XPO6: variants seen among roughly 807,000 people sequenced by gnomAD.
XPO6 encodes the protein exportin-6.
Under a neutral mutation model 130.0 loss-of-function variants are expected in XPO6, and 3 were observed. The ratio of observed to expected loss-of-function variants is 0.02; its 90% CI spans 0.01 to 0.06. The LOEUF (loss-of-function observed/expected upper bound fraction) is 0.06. Among genes scored for constraint, XPO6 ranks in the 10% least tolerant of loss-of-function variants. XPO6 has a pLI of 1.00. For missense variants in XPO6, 970 were observed against 1,393.0 expected, an observed-to-expected ratio of 0.70 and a Z score of 4.83; for synonymous variants, 524 against 548.9, an observed-to-expected ratio of 0.95 and a Z score of 0.63.
At chr16:28,127,019 A>C (rs542662868) in intron 12 of XPO6, among the ~76,000 whole-genome samples, 1 of 152,050 alleles carries the variant, frequency 6.6e-6, no homozygotes. Flanking sequence ...GTGCTCCAAA[A>C]TCAGCTTCCC....
chr16:28,124,470 A>G (rs1398825505), intron 13 of XPO6, among the ~76,000 whole-genome samples: 1 of 152,214 alleles, frequency 6.6e-6, no homozygotes, highest in East Asian at 1.9e-4. Context: ...ACCTCAGTGC[A>G]AATGGGCCCA....
At chr16:28,120,065 G>C (rs1424469162) in intron 14 of XPO6, among the ~76,000 whole-genome samples, 5 of 152,114 alleles carry the variant, frequency 3.3e-5, no homozygotes, top group African/African-American at 4.8e-5. Flanking sequence ...GGCTGGACTT[G>C]AACTCCTGAC....
At chr16:28,147,910 C>A (rs569642490) in intron 8 of XPO6, among the ~76,000 whole-genome samples, 1 of 152,176 alleles carries the variant, frequency 6.6e-6, no homozygotes, top group Non-Finnish European at 1.5e-5. Context: ...CGTGCCACTG[C>A]ACTCCAGCCT....
intron 15 of XPO6, among the ~76,000 whole-genome samples, chr16:28,115,131 C>T (rs2087022072): frequency 6.6e-6 from 1 of 152,202 alleles, no homozygotes; most frequent in African/African-American, 2.4e-5. Flanking sequence ...CTTCCAAACT[C>T]CCATTAATGC....
intron 6 of XPO6, 91 bp downstream of exon 6, chr16:28,166,417 C>T: frequency 7.1e-7 from 1 of 1,406,250 alleles, no homozygotes. Flanking sequence ...CCTCAGCCTC[C>T]TCAGTACTGA....
intron 9 of XPO6, among the ~76,000 whole-genome samples, chr16:28,138,659 AACATCTCCCCTG>A (rs1226592844): frequency 3.9e-5 from 6 of 152,142 alleles, no homozygotes; most frequent in Admixed American, 6.5e-5. Context: ...ACTCAAGGAC[AACATCTCCCCTG>A]AAGATGGGGG....
At position 28,211,516 on chromosome 16, in the gene XPO6, C is replaced by T; in HGVS notation, c.-148G>A. On this transcript the variant is annotated 5_prime_UTR_variant, in exon 1 of 24. Transcript: ENST00000304658. ...CCTTCCCCACCGGGCCCCGAGGGGA[C>T]CCTCTAAAAAGGGCAGGGCCGCCCG... The T allele has an allele frequency of 1.0e-6, 1 of 992,828 alleles. No homozygotes were observed. Among genetic ancestry groups the T allele is most frequent in the Non-Finnish European group, 1.3e-6 (1 of 754,888 alleles). The allele number at this position is 992,828 out of a possible 1,614,324, so 61.5% of individuals were successfully genotyped here.
At chr16:28,161,017 T>C (rs937618816) in intron 6 of XPO6, among the ~76,000 whole-genome samples, 5 of 152,230 alleles carry the variant, frequency 3.3e-5, no homozygotes, top group Non-Finnish European at 7.3e-5. Context: ...TTGCAATAGA[T>C]TGTTTTCACT....
At position 28,107,693 on chromosome 16, in the gene XPO6, AG is replaced by A. The variant is rs776982532; in HGVS notation, c.2342-17del. On this transcript the variant is annotated splice_polypyrimidine_tract_variant and intron_variant, in intron 17 of 23. Transcript: ENST00000304658. The stretch of plus-strand genomic sequence containing the variant: ...ATCAGTTTGGCTGCAAATCAAGATG[AG>A]TTGCAGGTTATAAGCTGTCTGGGGA... 12 of 1,613,118 alleles carry A rather than the reference AG, an allele frequency of 7.4e-6. No individual in the cohort carries two copies. The highest frequency in any genetic ancestry group is 1.0e-5 in the Non-Finnish European group (12 of 1,179,688).
At position 28,106,006 on chromosome 16, in the gene XPO6, T is replaced by TG; in HGVS notation, c.2784+36dup. 1 of 1,588,110 alleles carries TG rather than the reference T, an allele frequency of 6.3e-7. No individual in the cohort carries two copies. The highest frequency in any genetic ancestry group is 8.6e-7 in the Non-Finnish European group (1 of 1,162,438). On this transcript the variant is annotated intron_variant, in intron 20 of 23. Transcript: ENST00000304658. This position sits in a 1 kb window ranked among gnomAD's most constrained non-coding sequence, Gnocchi z 4.2. Reference sequence around the variant, plus strand: ...TCTCATTCCCTTCCCAATCTGGAGATGGGGGGTGCTGCACAGGGGACCGTC... The same window carrying TG: ...TCTCATTCCCTTCCCAATCTGGAGATGGGGGGGTGCTGCACAGGGGACCGTC...
intron 14 of XPO6, among the ~76,000 whole-genome samples, 197 bp downstream of exon 14, chr16:28,121,472 AC>A (rs1302142585): frequency 1.3e-5 from 2 of 152,062 alleles, no homozygotes; most frequent in Non-Finnish European, 2.9e-5. Flanking sequence ...GCTCTCACTT[AC>A]CTAATTCCAC....
At chr16:28,197,185 G>A (rs765427115) in intron 1 of XPO6, among the ~76,000 whole-genome samples, 30 of 152,116 alleles carry the variant, frequency 2.0e-4, no homozygotes, top group Non-Finnish European at 3.8e-4. Context: ...CCGGGAGACA[G>A]AGGTTGCAGT....
intron 7 of XPO6, chr16:28,154,061 C>A (rs1319206286): frequency 1.8e-5 from 18 of 985,122 alleles, no homozygotes; most frequent in Non-Finnish European, 2.2e-5. Flanking sequence ...CAGTAAGGCA[C>A]TAAAATCAAC....
At position 28,105,948 on chromosome 16, in the gene XPO6, T is replaced by C. The variant is rs778402716; in HGVS notation, c.2784+95A>G. On this transcript the variant is annotated intron_variant, in intron 20 of 23. Coordinates refer to ENST00000304658, the MANE Select transcript of XPO6 (RefSeq NM_015171.4). ...TTTACAAGCATATTAAACTAACAAA[T>C]GAACTTTAAAACACAATACATTTTC... 9.9e-5 allele frequency: 151 copies of C among 1,524,686 alleles called. 1 individual carries two copies. The highest frequency in any genetic ancestry group is 4.2e-4 in the South Asian group (34 of 80,438). The allele number at this position is 1,524,686 out of a possible 1,614,324, so 94.4% of individuals were successfully genotyped here. A position where few individuals can be genotyped will look rare whatever the true frequency, so the allele number is the denominator to read the frequency against.
At chr16:28,211,237 C>A (rs1596987231) in intron 1 of XPO6, 129 bp downstream of exon 1, 4 of 986,894 alleles carry the variant, frequency 4.1e-6, no homozygotes, top group Non-Finnish European at 4.0e-6. Context: ...ACGCATGTGT[C>A]ACCGGCCAGG....
intron 21 of XPO6, among the ~76,000 whole-genome samples, chr16:28,104,027 G>A (rs2086717293): frequency 6.6e-6 from 1 of 152,196 alleles, no homozygotes; most frequent in African/African-American, 2.4e-5. Context: ...TGCCGTCCCA[G>A]TCTTCCACAG....
intron 3 of XPO6, among the ~76,000 whole-genome samples, chr16:28,176,632 G>C (rs2043538214): frequency 6.6e-6 from 1 of 151,646 alleles, no homozygotes; most frequent in Admixed American, 6.6e-5. Context: ...AGAGTAGCTG[G>C]GACTACAGGC....
chr16:28,115,771 T>C (rs1403007916), intron 15 of XPO6, among the ~76,000 whole-genome samples: 1 of 152,258 alleles, frequency 6.6e-6, no homozygotes, highest in African/African-American at 2.4e-5. Context: ...CTGTCTCATC[T>C]ACACAGAAAA....
chr16:28,140,093 G>A (rs549635459), intron 9 of XPO6, among the ~76,000 whole-genome samples: 4 of 152,046 alleles, frequency 2.6e-5, no homozygotes, highest in East Asian at 1.9e-4. Context: ...TTAGCCAGGC[G>A]TGGTGGCGGG....
Sources: gnomAD v4.1 joint callset for allele counts (sites outside exome capture counted in the v4.1 genomes callset) on GRCh38, gnomAD v4.1.1 for gene constraint, Gnocchi (gnomAD v3.1) non-coding constraint, MANE v1.5 for transcripts, NCBI Gene and HGNC (gene_info 2026-07-23, HGNC 2026-07-21) for gene names.